GPC6: variants seen among roughly 807,000 people sequenced by gnomAD.
GPC6 encodes glypican-6.
A neutral mutation model predicts 55.2 loss-of-function variants in GPC6; 14 were observed. The ratio of observed to expected loss-of-function variants is 0.25; its 90% CI spans 0.17 to 0.40. GPC6 has a LOEUF of 0.40. Among genes scored for constraint, GPC6 ranks in the 10% least tolerant of loss-of-function variants. The pLI, the probability that GPC6 is intolerant of heterozygous loss-of-function variation, is 1.00. For synonymous variants in GPC6, 278 were observed against 259.6 expected, an observed-to-expected ratio of 1.07 and a Z score of -0.68; for missense variants, 641 against 708.5, an observed-to-expected ratio of 0.90 and a Z score of 1.08.
rs141611998 is a variant in GPC6, at chr13:94,035,716, A to G, written c.877+7822A>G. Among the ~76,000 whole-genome samples the G allele has an allele frequency of 4.5e-3, 691 of 152,192 alleles. 21 individuals are homozygous for G. In the South Asian group the frequency reaches 0.066, roughly 15 times the overall value. On this transcript the variant is annotated intron_variant, in intron 4 of 8. Transcript: ENST00000377047. ...TCTTTGTGCAATGTGGCAACATTTT[A>G]TTAAAATATTTTAATCATGAAAGTG...
chr13:94,036,585 T>C (rs536557288), intron 4 of GPC6, among the ~76,000 whole-genome samples: 4 of 152,090 alleles, frequency 2.6e-5, no homozygotes, highest in African/African-American at 9.6e-5. Flanking sequence ...GGAAATTAGC[T>C]GATTTGAAAA....
intron 1 of GPC6, among the ~76,000 whole-genome samples, chr13:93,459,366 T>G (rs1274155310): frequency 6.6e-6 from 1 of 152,246 alleles, no homozygotes; most frequent in African/African-American, 2.4e-5. Flanking sequence ...ATGTCTGGCC[T>G]AAAATAATCC....
At chr13:93,746,542 A>G (rs1173654659) in intron 2 of GPC6, among the ~76,000 whole-genome samples, 1 of 152,132 alleles carries the variant, frequency 6.6e-6, no homozygotes, top group Non-Finnish European at 1.5e-5. Flanking sequence ...ATTTATTATC[A>G]CCATAACAGG....
At chr13:94,276,771 A>G (rs759134444) in intron 4 of GPC6, among the ~76,000 whole-genome samples, 1 of 152,116 alleles carries the variant, frequency 6.6e-6, no homozygotes, top group Non-Finnish European at 1.5e-5. Context: ...ACATGATCTC[A>G]TTCCTTTTTA....
rs536175471 is a variant in GPC6 at position 93,829,146 on chromosome 13, C to T, written c.320-1008C>T. Among the ~76,000 whole-genome samples, 4 of 151,604 alleles carry T rather than the reference C, an allele frequency of 2.6e-5. No individual in the cohort carries two copies. In the South Asian group the frequency reaches 6.3e-4, roughly 24 times the overall value. ...AGCAGAATCATTTTACTCTTGGGAACTTAGATTGATAACCTCAGAAGCATT... is the reference window on the plus strand; with the variant it reads ...AGCAGAATCATTTTACTCTTGGGAATTTAGATTGATAACCTCAGAAGCATT... On this transcript the variant is annotated intron_variant, in intron 2 of 8. Coordinates refer to ENST00000377047, the MANE Select transcript of GPC6 (RefSeq NM_005708.5).
chr13:93,714,174 TCA>T (rs1348147520), intron 2 of GPC6, among the ~76,000 whole-genome samples: 1 of 151,770 alleles, frequency 6.6e-6, no homozygotes, highest in Non-Finnish European at 1.5e-5. Flanking sequence ...GAGAAAATAT[TCA>T]CAAACTATTC....
chr13:94,231,632 T>C (rs1263954903), intron 4 of GPC6, among the ~76,000 whole-genome samples: 1 of 152,164 alleles, frequency 6.6e-6, no homozygotes, highest in Non-Finnish European at 1.5e-5. Context: ...GGGCGAAACA[T>C]TTTCAGCCTG....
intron 4 of GPC6, among the ~76,000 whole-genome samples, chr13:94,223,432 C>T (rs1405280118): frequency 6.6e-6 from 1 of 152,134 alleles, no homozygotes; most frequent in Non-Finnish European, 1.5e-5. Context: ...TCATTGTGCT[C>T]ATTTTACAGG....
chr13:93,768,677 T>C (rs1885197433), intron 2 of GPC6, among the ~76,000 whole-genome samples: 1 of 152,188 alleles, frequency 6.6e-6, no homozygotes. Flanking sequence ...CGTGCAGTGA[T>C]GGCCATTAAG....
chr13:93,741,547 T>C lies in GPC6; in HGVS notation c.320-88607T>C, dbSNP rs146883954. On this transcript the variant is annotated intron_variant, in intron 2 of 8. Transcript: ENST00000377047. ...ATATTTTCTTTGTCATTACTTCTCT[T>C]ACAAACCTGGGATTCAGTGCTCTTC... 6.6e-5 allele frequency among the ~76,000 whole-genome samples: 10 copies of C among 152,288 alleles called. No individual in the cohort carries two copies. The East Asian group carries it at 1.9e-3, about 29-fold the overall frequency.
intron 2 of GPC6, among the ~76,000 whole-genome samples, chr13:93,736,052 T>C (rs1477944408): frequency 6.6e-6 from 1 of 152,140 alleles, no homozygotes; most frequent in Non-Finnish European, 1.5e-5. Context: ...GGAAAGAGGG[T>C]GCTGTGCTCT....
intron 3 of GPC6, among the ~76,000 whole-genome samples, chr13:93,945,941 T>C (rs1048083770): frequency 3.9e-5 from 6 of 152,222 alleles, no homozygotes; most frequent in African/African-American, 1.4e-4. Context: ...ATAATAGATG[T>C]CAAAATACTC....
chr13:93,648,723 A>G (rs1226287321), intron 2 of GPC6, among the ~76,000 whole-genome samples: 2 of 152,178 alleles, frequency 1.3e-5, no homozygotes. Flanking sequence ...CAGTGCTTAT[A>G]CTCCAGGCAT....
intron 1 of GPC6, among the ~76,000 whole-genome samples, chr13:93,389,193 C>A (rs965606514): frequency 6.6e-6 from 1 of 151,934 alleles, no homozygotes; most frequent in African/African-American, 2.4e-5. Context: ...TAGAAATACT[C>A]GTGACTGAAT....
At position 94,405,137 on chromosome 13, in the gene GPC6, T is replaced by A. The variant is rs571135527; in HGVS notation, c.*1920T>A. 1.3e-5 allele frequency: 2 copies of A among 152,260 alleles called. No homozygotes were observed. The highest frequency in any genetic ancestry group is 2.9e-5 in the Non-Finnish European group (2 of 68,044). 9.4% of individuals were successfully genotyped at this position (152,260 alleles called of 1,614,324 possible). A position where few individuals can be genotyped will look rare whatever the true frequency, so the allele number is the denominator to read the frequency against. ...TAGTATTAAGTATATTTGAGCACTT[T>A]TGCAAGACAGAAAGTATTTACAAGC... On this transcript the variant is annotated 3_prime_UTR_variant, in exon 9 of 9. Coordinates refer to ENST00000377047, the MANE Select transcript of GPC6 (RefSeq NM_005708.5).
At chr13:93,678,916 T>A (rs552364054) in intron 2 of GPC6, among the ~76,000 whole-genome samples, 12 of 152,272 alleles carry the variant, frequency 7.9e-5, no homozygotes, top group Admixed American at 3.3e-4. Flanking sequence ...TTGGACCAAT[T>A]TCAGTATGAG....
intron 4 of GPC6, among the ~76,000 whole-genome samples, chr13:94,237,127 A>G (rs1426637100): frequency 6.6e-6 from 1 of 152,150 alleles, no homozygotes; most frequent in Non-Finnish European, 1.5e-5. Context: ...AACTTGTTCC[A>G]TTATCAGCTG....
Position 93,652,863 on chromosome 13 carries a change from C to T in GPC6, c.319+107442C>T, listed in dbSNP as rs943558070. On this transcript the variant is annotated intron_variant, in intron 2 of 8. Transcript: ENST00000377047. ...GTGTTAGAACAGTTCATTTGACTTT[C>T]GGTATAAAAATACATCTGCCAAAGA... Among the ~76,000 whole-genome samples the T allele has an allele frequency of 2.6e-5, 4 of 152,130 alleles. 1 individual carries two copies. Among genetic ancestry groups the T allele is most frequent in the South Asian group, 4.1e-4 (2 of 4,826 alleles).
chr13:93,471,902 G>C (rs995488788), intron 1 of GPC6, among the ~76,000 whole-genome samples: 1 of 152,170 alleles, frequency 6.6e-6, no homozygotes, highest in African/African-American at 2.4e-5. Context: ...TTGACTTATG[G>C]AAATTTTCAG....
Sources: gnomAD v4.1 joint callset for allele counts (sites outside exome capture counted in the v4.1 genomes callset) on GRCh38, gnomAD v4.1.1 for gene constraint, MANE v1.5 for transcripts, NCBI Gene and HGNC (gene_info 2026-07-23, HGNC 2026-07-21) for gene names.